The following SCN1A variants were observed in gnomAD, a reference collection of about 807,000 sequenced individuals.
The protein encoded by SCN1A is sodium channel protein type 1 subunit alpha.
A neutral mutation model predicts 193.7 loss-of-function variants in SCN1A; 13 were observed. The ratio of observed to expected loss-of-function variants is 0.07; its 90% CI spans 0.04 to 0.11. The LOEUF (loss-of-function observed/expected upper bound fraction) is 0.11. Ranked by LOEUF, SCN1A falls within the 10% of genes least tolerant of loss-of-function variation. The probability of loss-of-function intolerance (pLI) is 1.00; values close to 1 mark genes in which losing one functional copy is unlikely to be tolerated. For missense variants in SCN1A, 1,432 were observed against 2,451.1 expected (o/e 0.58, Z 8.78); for synonymous variants, 781 against 843.6 (o/e 0.93, Z 1.29).
upstream of SCN1A, among the ~76,000 whole-genome samples, chr2:166,130,813 A>C (rs1691628521): frequency 6.6e-6 from 1 of 152,226 alleles, no homozygotes; most frequent in South Asian, 2.1e-4. Context: ...TTACAGTATT[A>C]GTAACTTTAA....
chr2:166,133,527 T>C (rs1222607967), intron 1 of SCN1A, among the ~76,000 whole-genome samples: 1 of 152,150 alleles, frequency 6.6e-6, no homozygotes, highest in African/African-American at 2.4e-5. Context: ...AAAATTACTT[T>C]TTATCACTTG....
intron 4 of SCN1A, among the ~76,000 whole-genome samples, chr2:166,068,729 A>G (rs1684104508): frequency 6.6e-6 from 1 of 151,842 alleles, no homozygotes. Context: ...GGAGCCCAAG[A>G]AAAAGGGAGT....
intron 9 of SCN1A, among the ~76,000 whole-genome samples, chr2:166,049,887 G>A (rs1213784420): frequency 6.6e-6 from 1 of 151,846 alleles, no homozygotes; most frequent in Non-Finnish European, 1.5e-5. Context: ...TTTATTGAAT[G>A]AATAAGTAAA....
chr2:166,097,907 T>C (rs184684648), intron 2 of SCN1A, among the ~76,000 whole-genome samples: 23 of 152,314 alleles, frequency 1.5e-4, no homozygotes, highest in Admixed American at 1.4e-3. Flanking sequence ...TTCTAGAGTC[T>C]TGTAGAATTA....
intron 23 of SCN1A, among the ~76,000 whole-genome samples, chr2:166,006,846 G>T (rs899055155): frequency 1.3e-5 from 2 of 151,160 alleles, no homozygotes; most frequent in African/African-American, 4.8e-5. Context: ...AACAGCAGGG[G>T]CTGTATGCCT....
intron 19 of SCN1A, among the ~76,000 whole-genome samples, chr2:166,022,219 G>C (rs1252581012): frequency 6.6e-6 from 1 of 151,960 alleles, no homozygotes; most frequent in Non-Finnish European, 1.5e-5. Flanking sequence ...AAATTATGTG[G>C]AATTTAGTAT....
intron 2 of SCN1A, among the ~76,000 whole-genome samples, chr2:166,086,889 GTA>G (rs762540636): frequency 6.6e-6 from 1 of 152,110 alleles, no homozygotes; most frequent in Non-Finnish European, 1.5e-5. Context: ...TCACAGATTT[GTA>G]TAGAGTGGAC....
chr2:166,111,379 C>A (rs1336748577), intron 2 of SCN1A, among the ~76,000 whole-genome samples: 1 of 151,738 alleles, frequency 6.6e-6, no homozygotes, highest in Admixed American at 6.6e-5. Context: ...AATGGCAGCA[C>A]ATCTGTTTAC....
chr2:166,075,974 T>C (rs576467101), intron 3 of SCN1A, among the ~76,000 whole-genome samples: 2 of 152,170 alleles, frequency 1.3e-5, no homozygotes, highest in East Asian at 3.9e-4. Context: ...TTCCTGCAAC[T>C]GCTTATTTAA....
chr2:165,997,120 T>G (rs1323796926), intron 26 of SCN1A, among the ~76,000 whole-genome samples: 1 of 151,276 alleles, frequency 6.6e-6, no homozygotes, highest in Non-Finnish European at 1.5e-5. Flanking sequence ...TGGGAATTTA[T>G]TCTCAGGAAA....
At chr2:166,129,233 T>TA (rs1300183333), upstream of SCN1A, among the ~76,000 whole-genome samples, 1 of 152,174 alleles carries the variant, frequency 6.6e-6, no homozygotes, top group Non-Finnish European at 1.5e-5. Context: ...TGCAAAGCAA[T>TA]AAAACTAAGG....
intron 1 of SCN1A, among the ~76,000 whole-genome samples, chr2:166,135,544 A>T (rs906343461): frequency 3.3e-5 from 5 of 152,230 alleles, no homozygotes; most frequent in African/African-American, 1.2e-4. Flanking sequence ...AACATTTTTG[A>T]CACATCTGTA....
At chr2:166,129,919 G>T (rs1574634404), upstream of SCN1A, among the ~76,000 whole-genome samples, 1 of 152,066 alleles carries the variant, frequency 6.6e-6, no homozygotes, top group Non-Finnish European at 1.5e-5. Context: ...TATCTACGCA[G>T]CTGACCTGGT....
intron 4 of SCN1A, 182 bp downstream of exon 4, chr2:166,073,176 A>G: frequency 2.9e-6 from 2 of 694,146 alleles, no homozygotes; most frequent in South Asian, 2.0e-5. Flanking sequence ...ACAGTTGCAT[A>G]TGTTATGATA....
chr2:166,058,057 C>T (rs1338526088), intron 5 of SCN1A, among the ~76,000 whole-genome samples: 1 of 152,058 alleles, frequency 6.6e-6, no homozygotes, highest in Admixed American at 6.6e-5. Context: ...CAAAAATCAT[C>T]AGGAAATTTC....
chr2:166,081,641 T>A (rs1298594573), intron 2 of SCN1A: 1 of 151,996 alleles, frequency 6.6e-6, no homozygotes, highest in Non-Finnish European at 1.5e-5. Flanking sequence ...CACACTCTGA[T>A]GCCATTGTGT....
At chr2:166,052,392 G>C (rs554695565) in intron 8 of SCN1A, among the ~76,000 whole-genome samples, 1 of 152,018 alleles carries the variant, frequency 6.6e-6, no homozygotes, top group Admixed American at 6.6e-5. Flanking sequence ...AGATTTTGCT[G>C]TACAACCGAA....
chr2:166,093,003 T>C (rs1686981047), intron 2 of SCN1A, among the ~76,000 whole-genome samples: 1 of 152,084 alleles, frequency 6.6e-6, no homozygotes, highest in Non-Finnish European at 1.5e-5. Flanking sequence ...GTAGGTTTTA[T>C]GAGGACGCTG....
intron 21 of SCN1A, among the ~76,000 whole-genome samples, chr2:166,012,533 A>AT (rs1164894486): frequency 6.9e-6 from 1 of 145,296 alleles, no homozygotes; most frequent in Non-Finnish European, 1.5e-5. Context: ...ATAGTTCTTG[A>AT]TGTTGTATCC....
Sources: allele counts gnomAD v4.1 joint callset (sites outside exome capture counted in the v4.1 genomes callset), GRCh38; gene constraint gnomAD v4.1.1; transcripts MANE v1.5; gene names NCBI Gene and HGNC (gene_info 2026-07-23, HGNC 2026-07-21).